DST: variants seen among roughly 807,000 people sequenced by gnomAD.
The protein encoded by DST is dystonin.
A neutral mutation model predicts 875.2 loss-of-function variants in DST; 253 were observed. That is an observed-to-expected ratio of 0.29 (90% CI 0.26 to 0.32). The LOEUF is 0.32. DST is among the 10% of genes least tolerant of loss of function. The pLI, the probability that DST is intolerant of heterozygous loss-of-function variation, is 1.00. For synonymous variants in DST, 3,124 were observed against 3,197.1 expected (o/e 0.98, Z 0.77); for missense variants, 8,287 against 9,111.6 (o/e 0.91, Z 3.68).
At chr6:56,833,096 G>A (rs1453038923) in intron 4 of DST, among the ~76,000 whole-genome samples, 3 of 152,170 alleles carry the variant, frequency 2.0e-5, no homozygotes, top group Non-Finnish European at 4.4e-5. Flanking sequence ...AAGATCGCAA[G>A]ACGAACAACC....
chr6:56,678,955 A>C (rs987463331), intron 9 of DST, among the ~76,000 whole-genome samples: 1 of 152,160 alleles, frequency 6.6e-6, no homozygotes, highest in Admixed American at 6.5e-5. Context: ...GACACTATAT[A>C]AAATGGAATT....
intron 9 of DST, among the ~76,000 whole-genome samples, chr6:56,698,860 G>C (rs1233009692): frequency 6.6e-6 from 1 of 152,016 alleles, no homozygotes; most frequent in African/African-American, 2.4e-5. Context: ...TTGTTACATG[G>C]GTATATTGCG....
rs748419990 is a variant in DST, at chr6:56,608,500, A to G, written c.6128T>C (p.Leu2043Ser). 1.9e-6 allele frequency: 3 copies of G among 1,613,648 alleles called. No homozygotes were observed. In the East Asian group the frequency reaches 6.7e-5, roughly 36 times the overall value. The change falls in exon 40 of 104, where the codon TTA becomes TCA. Residue 2043 changes from leucine to serine, a missense_variant. By Grantham distance (145) the Leu-to-Ser change is moderately radical. Transcript: ENST00000680361. The part of the protein sequence containing the change: ...GIIQSNPAKR[L>S]TVDEAVQCDL... The stretch of plus-strand genomic sequence containing the variant: ...ACACTGTACTGCTTCGTCTACAGTT[A>G]AACGCTTGGCAGGGTTTGACTGGAT...
intron 3 of DST, among the ~76,000 whole-genome samples, chr6:56,855,024 G>C (rs1767168355): frequency 1.3e-5 from 2 of 152,170 alleles, no homozygotes; most frequent in African/African-American, 4.8e-5. Context: ...AGAGTAATTA[G>C]GGTAGTGAAG....
intron 5 of DST, among the ~76,000 whole-genome samples, chr6:56,724,633 C>T (rs1007226667): frequency 6.6e-6 from 1 of 152,174 alleles, no homozygotes; most frequent in Non-Finnish European, 1.5e-5. Flanking sequence ...ACAGTCTCTG[C>T]CATGCACTCA....
intron 3 of DST, among the ~76,000 whole-genome samples, chr6:56,867,592 T>C (rs566485507): frequency 7.2e-5 from 11 of 152,144 alleles, no homozygotes; most frequent in South Asian, 4.1e-4. Context: ...GAGGCCAAGG[T>C]GGGCGGATCA....
rs1236620489 is a variant in DST at position 56,458,843 on chromosome 6, A to T, written c.*162T>A. On this transcript the variant is annotated 3_prime_UTR_variant, in exon 104 of 104. Transcript: ENST00000680361. ...AACCCCAGAATATCTGACAAAAAAA[A>T]TTATACAGATAAAATAAAAAGACAA... The T allele has an allele frequency of 1.3e-6, 1 of 788,314 alleles. No individual in the cohort carries two copies. The highest frequency in any genetic ancestry group is 1.8e-6 in the Non-Finnish European group (1 of 541,142). 48.8% of individuals were successfully genotyped at this position (788,314 alleles called of 1,614,324 possible).
At chr6:56,914,926 G>A (rs914865259) in intron 2 of DST, among the ~76,000 whole-genome samples, 1 of 152,252 alleles carries the variant, frequency 6.6e-6, no homozygotes, top group Non-Finnish European at 1.5e-5. Context: ...GAAGGCAAAT[G>A]AGGAAGGCTG....
chr6:56,566,174 T>C (rs1367514519), intron 55 of DST, among the ~76,000 whole-genome samples: 1 of 152,156 alleles, frequency 6.6e-6, no homozygotes, highest in East Asian at 1.9e-4. Flanking sequence ...CTTAGCTCCA[T>C]GGCTTCAGCC....
Position 56,470,282 on chromosome 6 carries a change from T to G in DST, c.22322A>C (p.Lys7441Thr). Residue 7441 changes from lysine to threonine, a missense_variant and splice_region_variant, in exon 96 of 104, where the codon AAG becomes ACG. By Grantham distance (78) the Lys-to-Thr change is moderately conservative (BLOSUM62 -1). This residue lies in a region of DST where 87 missense variants were observed against 209.7 expected (regional missense o/e 0.41). Transcript: ENST00000680361. ...CATCTCCAAGCGACTGGTTGGAAAC[T>G]CTAAAATTTTGAAAACAATGGTAAG... ...QEFIDGILSS[K>T]FPTSRLEMSA... 1 of 1,592,234 alleles carries G rather than the reference T, an allele frequency of 6.3e-7. No homozygotes were observed.
At chr6:56,661,831 G>A (rs1326206746) in intron 10 of DST, among the ~76,000 whole-genome samples, 5 of 152,138 alleles carry the variant, frequency 3.3e-5, no homozygotes, top group South Asian at 2.1e-4. Flanking sequence ...CGGGTGATCC[G>A]CCCGCCTTGG....
intron 4 of DST, among the ~76,000 whole-genome samples, chr6:56,811,871 G>C (rs35696739): frequency 0.12 from 18,601 of 151,944 alleles, 1,579 homozygotes; most frequent in Non-Finnish European, 0.19. Context: ...AAGGCAGGTA[G>C]ATCACTTGAG....
At chr6:56,553,681 T>A in intron 60 of DST, 26 bp from the exon 61 acceptor site, 1 of 1,581,594 alleles carries the variant, frequency 6.3e-7, no homozygotes, top group Non-Finnish European at 8.6e-7. Context: ...CAAGATATGT[T>A]TATTTTACAT....
At position 56,630,349 on chromosome 6, in the gene DST, G is replaced by T; in HGVS notation, c.4177C>A (p.Gln1393Lys). ...KTVNLVLKNT[Q>K]AAEALVKLYE... ...AGTTTTACGAGGGCTTCTGCAGCTT[G>T]AGTGTTTTTTAACACCAAGTTAACA... is the stretch of plus-strand genomic sequence containing the variant. The change falls in exon 31 of 104, where the codon CAA becomes AAA. Residue 1393 changes from glutamine (Q) to lysine (K), a missense_variant. Around this residue, in one of 10 missense-constraint regions of DST, gnomAD observed 3,138 missense variants for 3,116.6 expected, o/e 1.01. Transcript: ENST00000680361. 6.2e-7 allele frequency: 1 copy of T among 1,612,886 alleles called. No homozygotes were observed. The highest frequency in any genetic ancestry group is 8.5e-7 in the Non-Finnish European group (1 of 1,179,828).
At chr6:56,893,593 T>TTTTTTTTTTTTTTA (rs1788994716) in intron 3 of DST, among the ~76,000 whole-genome samples, 2 of 81,568 alleles carry the variant, frequency 2.5e-5, no homozygotes, top group African/African-American at 1.2e-4. Context: ...TTTTTATTTT[T>TTTTTTTTTTTTTTA]TTTTATTTTT....
intron 2 of DST, among the ~76,000 whole-genome samples, chr6:56,946,491 T>C (rs1484741379): frequency 6.6e-6 from 1 of 152,110 alleles, no homozygotes; most frequent in East Asian, 1.9e-4. Context: ...AGGAAGCACA[T>C]ATGATGTTTA....
In DST at chr6:56,592,173, G is replaced by A. The variant is rs775106494; in HGVS notation, c.12903+9C>T. 1.9e-5 allele frequency: 31 copies of A among 1,609,932 alleles called. No homozygotes were observed. Among genetic ancestry groups the A allele is most frequent in the Admixed American group, 8.4e-5 (5 of 59,472 alleles). Reference sequence around the variant, plus strand: ...TACTGGAAATGTGGATCTTTCTCTCGCTTTTTACCTTGGTCTCTTCTAATT... The same window carrying A: ...TACTGGAAATGTGGATCTTTCTCTCACTTTTTACCTTGGTCTCTTCTAATT... On this transcript the variant is annotated intron_variant, in intron 49 of 103. Coordinates refer to ENST00000680361, the MANE Select transcript of DST (RefSeq NM_001374736.1).
chr6:56,582,225 G>A (rs1016761260), intron 49 of DST, among the ~76,000 whole-genome samples: 4 of 152,046 alleles, frequency 2.6e-5, no homozygotes, highest in Admixed American at 6.6e-5. Flanking sequence ...ATTTGTCCCC[G>A]CCCAAATCTC....
intron 9 of DST, among the ~76,000 whole-genome samples, chr6:56,684,609 T>C (rs34576803): frequency 0.14 from 21,589 of 152,234 alleles, 2,097 homozygotes; most frequent in Non-Finnish European, 0.22. Context: ...GTCTCCTACA[T>C]TCTGGTACAG....
Sources: gnomAD v4.1 joint callset for allele counts (sites outside exome capture counted in the v4.1 genomes callset) on GRCh38, gnomAD v4.1.1 for gene constraint, gnomAD v4.1.1 regional missense constraint, MANE v1.5 for transcripts, NCBI Gene and HGNC (gene_info 2026-07-23, HGNC 2026-07-21) for gene names.